Variants in BMPR1B observed in about 807,000 individuals in gnomAD.
The protein encoded by BMPR1B is bone morphogenetic protein receptor type-1B.
Under a neutral mutation model 59.1 loss-of-function variants are expected in BMPR1B, and 12 were observed. The ratio of observed to expected loss-of-function variants is 0.20; its 90% confidence interval spans 0.13 to 0.33. BMPR1B has a LOEUF of 0.33. BMPR1B is among the 10% of genes least tolerant of loss of function. The probability of loss-of-function intolerance (pLI) is 1.00; values close to 1 mark genes in which losing one functional copy is unlikely to be tolerated. For synonymous variants in BMPR1B, 237 were observed against 207.3 expected, an observed-to-expected ratio of 1.14 and a Z score of -1.23; for missense variants, 550 against 610.9, an observed-to-expected ratio of 0.90 and a Z score of 1.05.
At chr4:94,816,120 G>T (rs1428578775) in intron 1 of BMPR1B, among the ~76,000 whole-genome samples, 4 of 151,992 alleles carry the variant, frequency 2.6e-5, no homozygotes, top group African/African-American at 9.7e-5. Context: ...TCATATATCT[G>T]AAAATGGTTC....
intron 2 of BMPR1B, among the ~76,000 whole-genome samples, chr4:94,962,116 CT>C (rs1730388203): frequency 7.4e-5 from 8 of 108,318 alleles, no homozygotes; most frequent in African/African-American, 4.1e-5. Flanking sequence ...TCCTTCCTTC[CT>C]TCCTTCTTTC....
chr4:95,023,711 A>G (rs181130653), intron 3 of BMPR1B, among the ~76,000 whole-genome samples: 2 of 152,328 alleles, frequency 1.3e-5, no homozygotes, highest in East Asian at 1.9e-4. Flanking sequence ...ATGTGTTTAT[A>G]TGCATTTGTG....
intron 10 of BMPR1B, among the ~76,000 whole-genome samples, chr4:95,137,986 A>T (rs1030384805): frequency 1.3e-5 from 2 of 152,204 alleles, no homozygotes; most frequent in African/African-American, 4.8e-5. Flanking sequence ...TAGTTGATGC[A>T]GTTTCTTCCT....
intron 12 of BMPR1B, among the ~76,000 whole-genome samples, chr4:95,153,857 A>G (rs1735230548): frequency 1.3e-5 from 2 of 152,154 alleles, no homozygotes; most frequent in South Asian, 4.1e-4. Flanking sequence ...ATAAACAAAC[A>G]ACAACAAAAA....
At chr4:94,770,180 G>GGTTTTTTTTTTTTTTTTTTTTTTT (rs771544268) in intron 1 of BMPR1B, among the ~76,000 whole-genome samples, 3 of 106,248 alleles carry the variant, frequency 2.8e-5, no homozygotes, top group African/African-American at 1.2e-4. Context: ...CTTCGTTTCT[G>GGTTTTTTTTTTTTTTTTTTTTTTT]TGTTTGTTTT....
intron 1 of BMPR1B, among the ~76,000 whole-genome samples, chr4:94,793,006 T>TC (rs397752007): frequency 1.3e-5 from 2 of 148,528 alleles, no homozygotes; most frequent in Non-Finnish European, 3.0e-5. Context: ...ATAGAAAACT[T>TC]TTTTTTTCTT....
chr4:95,112,346 G>A (rs1204363615), intron 4 of BMPR1B, among the ~76,000 whole-genome samples: 1 of 152,078 alleles, frequency 6.6e-6, no homozygotes, highest in Non-Finnish European at 1.5e-5. Context: ...TAGGCCAATG[G>A]TAAGAGTTAA....
At chr4:95,034,637 A>C (rs1006405878) in intron 3 of BMPR1B, among the ~76,000 whole-genome samples, 3 of 129,332 alleles carry the variant, frequency 2.3e-5, no homozygotes, top group Non-Finnish European at 3.4e-5. Context: ...GTAGTATTCC[A>C]TGTTTATATA....
chr4:94,853,830 A>G (rs947748174), intron 1 of BMPR1B, among the ~76,000 whole-genome samples: 1 of 152,176 alleles, frequency 6.6e-6, no homozygotes, highest in Non-Finnish European at 1.5e-5. Context: ...TTTAAAAAAA[A>G]ACAAATGAAT....
intron 5 of BMPR1B, 143 bp downstream of exon 5, chr4:95,114,965 A>C (rs972233551): frequency 1.3e-6 from 1 of 776,292 alleles, no homozygotes; most frequent in African/African-American, 1.7e-5. Context: ...TCAGCAACAG[A>C]TGGTATGTAT....
intron 2 of BMPR1B, among the ~76,000 whole-genome samples, chr4:94,968,922 G>C (rs993580329): frequency 1.3e-5 from 2 of 152,048 alleles, no homozygotes; most frequent in Non-Finnish European, 2.9e-5. Context: ...TGTTTCTGCT[G>C]CCAGATTTCC....
intron 2 of BMPR1B, among the ~76,000 whole-genome samples, chr4:94,898,927 T>A (rs1727693251): frequency 6.6e-6 from 1 of 152,056 alleles, no homozygotes. Context: ...TACACAAATT[T>A]AGTGGATTTA....
intron 3 of BMPR1B, among the ~76,000 whole-genome samples, chr4:94,997,219 A>G (rs1284372546): frequency 1.3e-5 from 2 of 152,204 alleles, no homozygotes; most frequent in African/African-American, 2.4e-5. Flanking sequence ...TGGTGATTAT[A>G]GGTCCAAAGG....
At chr4:94,809,100 G>A (rs937197971) in intron 1 of BMPR1B, among the ~76,000 whole-genome samples, 2 of 151,986 alleles carry the variant, frequency 1.3e-5, no homozygotes, top group Non-Finnish European at 2.9e-5. Context: ...TTATTATTAC[G>A]GTTGGACCTT....
intron 10 of BMPR1B, among the ~76,000 whole-genome samples, chr4:95,133,347 G>C (rs1318711825): frequency 1.3e-5 from 2 of 152,108 alleles, no homozygotes; most frequent in African/African-American, 2.4e-5. Context: ...AATGTAGTTA[G>C]AGTCCCTTGG....
chr4:94,953,324 G>T (rs1025329050), intron 2 of BMPR1B, among the ~76,000 whole-genome samples: 1 of 152,076 alleles, frequency 6.6e-6, no homozygotes, highest in Non-Finnish European at 1.5e-5. Context: ...TGGTTATTTT[G>T]CCCATTAGTT....
At chr4:95,139,141 C>A (rs984000739) in intron 10 of BMPR1B, among the ~76,000 whole-genome samples, 1 of 152,166 alleles carries the variant, frequency 6.6e-6, no homozygotes, top group African/African-American at 2.4e-5. Context: ...ACAGTCAGGA[C>A]CCTCAGCTGC....
intron 2 of BMPR1B, among the ~76,000 whole-genome samples, chr4:94,987,219 T>A (rs1269874438): frequency 7.4e-6 from 1 of 135,710 alleles, no homozygotes; most frequent in African/African-American, 3.2e-5. Flanking sequence ...ATATATCATA[T>A]TATATATAAT....
chr4:95,071,646 GTGTGTGTA>G (rs1333970487), intron 3 of BMPR1B, among the ~76,000 whole-genome samples: 87 of 86,584 alleles, frequency 1.0e-3, no homozygotes, highest in African/African-American at 3.6e-3. Flanking sequence ...GTGTGTGTGT[GTGTGTGTA>G]TATATATATA....
Sources: allele counts gnomAD v4.1 joint callset (sites outside exome capture counted in the v4.1 genomes callset), GRCh38; gene constraint gnomAD v4.1.1; transcripts MANE v1.5; gene names NCBI Gene and HGNC (gene_info 2026-07-23, HGNC 2026-07-21).